The following GPRC5C variants were observed in gnomAD, a reference collection of about 807,000 sequenced individuals.
GPRC5C encodes G protein-coupled receptor class C group 5 member C, also known as G protein-coupled receptor family C group 5 member C.
In GPRC5C, 22 loss-of-function variants were observed where a neutral mutation model predicts 31.4. The observed-to-expected ratio is 0.70, with a 90% CI of 0.50 to 1.00. GPRC5C has a LOEUF of 1.00. GPRC5C is among the 50% of genes least tolerant of loss of function. The pLI, the probability that GPRC5C is intolerant of heterozygous loss-of-function variation, is 0.00. For missense variants in GPRC5C, 557 were observed against 597.2 expected, an observed-to-expected ratio of 0.93 and a Z score of 0.70; for synonymous variants, 249 against 257.5, an observed-to-expected ratio of 0.97 and a Z score of 0.32.
At chr17:74,449,294 G>GT, downstream of GPRC5C, 1 of 1,209,766 alleles carries the variant, frequency 8.3e-7, no homozygotes, top group Non-Finnish European at 1.1e-6. Context: ...GCCCCACGCA[G>GT]TAGAGTCCCC....
intron 1 of GPRC5C, among the ~76,000 whole-genome samples, chr17:74,435,345 C>T (rs982939236): frequency 1.3e-5 from 2 of 152,248 alleles, no homozygotes; most frequent in Admixed American, 6.5e-5. Context: ...ATGAGAGCCA[C>T]GCCCAGAAAG....
intron 1 of GPRC5C, chr17:74,433,868 G>A: frequency 1.2e-6 from 1 of 850,866 alleles, no homozygotes; most frequent in Non-Finnish European, 2.1e-6. Context: ...GGATGATGCT[G>A]GAGCGAGGAA....
Position 74,446,991 on chromosome 17 carries a change from ACT to A in GPRC5C, c.1293_1294del (p.Gln432GlyfsTer3), listed in dbSNP as rs1336119885. On this transcript the variant is annotated frameshift_variant, in exon 4 of 4. Transcript: ENST00000392627. LOFTEE classifies it high-confidence loss of function. ...GCCACACCGCCGAAAGACGGCAAGA[ACT>A]CTCAGGTCTTTAGAAACCCCTACGT... The A allele has an allele frequency of 6.2e-7, 1 of 1,614,098 alleles. No homozygotes were observed. The highest frequency in any genetic ancestry group is 1.1e-5 in the South Asian group (1 of 91,084).
chr17:74,446,646 T>C, intron 3 of GPRC5C: 2 of 564,680 alleles, frequency 3.5e-6, no homozygotes, highest in Non-Finnish European at 6.3e-6. Flanking sequence ...CTCGTTCCCA[T>C]GCCCAGAGGC....
downstream of GPRC5C, among the ~76,000 whole-genome samples, chr17:74,447,731 C>A (rs1199065337): frequency 6.6e-6 from 1 of 151,196 alleles, no homozygotes; most frequent in Non-Finnish European, 1.5e-5. Context: ...GGGAACCCCC[C>A]TCCAGTGGCT....
At chr17:74,446,821 CTG>C in intron 3 of GPRC5C, 26 bp from the exon 4 acceptor site, 2 of 1,568,404 alleles carry the variant, frequency 1.3e-6, no homozygotes, top group Non-Finnish European at 1.8e-6. Context: ...CAATCCCCGA[CTG>C]TGAGACCGCC....
chr17:74,435,493 C>T (rs1256281516), intron 1 of GPRC5C, among the ~76,000 whole-genome samples: 2 of 152,212 alleles, frequency 1.3e-5, no homozygotes, highest in Non-Finnish European at 2.9e-5. Context: ...CAGCAACTTA[C>T]TAAAAGCAGC....
At chr17:74,451,229 G>C (rs551707034), downstream of GPRC5C, 1 of 152,202 alleles carries the variant, frequency 6.6e-6, no homozygotes, top group East Asian at 1.9e-4. Context: ...AATTTCAAAG[G>C]AGTCCCCGGC....
At chr17:74,446,536 C>A in intron 3 of GPRC5C, 1 of 290,420 alleles carries the variant, frequency 3.4e-6, no homozygotes, top group South Asian at 8.8e-5. Context: ...GCTGACTCTC[C>A]ACTGGCCCTA....
chr17:74,447,034 C>CGGT lies in GPRC5C; in HGVS notation c.*9_*11dup. Reference sequence around the variant, plus strand: ...ACCCCTACGTGTGGGACTGAGTCAGCGGTGGCGAGGAGAGGCGGGCGGATT... The same window carrying CGGT: ...ACCCCTACGTGTGGGACTGAGTCAGCGGTGGTGGCGAGGAGAGGCGGGCGGATT... On this transcript the variant is annotated 3_prime_UTR_variant, in exon 4 of 4. Transcript: ENST00000392627. 20 of 1,604,670 alleles carry CGGT rather than the reference C, an allele frequency of 1.2e-5. No individual in the cohort carries two copies. Among genetic ancestry groups the CGGT allele is most frequent in the Non-Finnish European group, 1.6e-5 (19 of 1,172,406 alleles).
At chr17:74,435,007 C>T (rs931178432) in intron 1 of GPRC5C, among the ~76,000 whole-genome samples, 14 of 152,088 alleles carry the variant, frequency 9.2e-5, no homozygotes, top group Middle Eastern at 3.4e-3. Context: ...ATCACGAGGT[C>T]AGGAGATTGA....
intron 2 of GPRC5C, chr17:74,443,364 T>C: frequency 3.0e-6 from 1 of 329,386 alleles, no homozygotes; most frequent in South Asian, 2.5e-5. Context: ...ATGAACAGGC[T>C]TAGGCCGAGG....
intron 3 of GPRC5C, chr17:74,446,229 G>A (rs2055632735): frequency 6.6e-6 from 1 of 151,922 alleles, no homozygotes. Context: ...GAGGCGGGTG[G>A]ATCACGAGGT....
In GPRC5C at chr17:74,440,420, A is replaced by T; in HGVS notation, c.644A>T (p.Tyr215Phe). The T allele has an allele frequency of 6.2e-7, 1 of 1,613,798 alleles. No homozygotes were observed. Among genetic ancestry groups the T allele is most frequent in the East Asian group, 2.2e-5 (1 of 44,852 alleles). The change falls in exon 2 of 4, where the codon TAC becomes TTC. Residue 215 changes from tyrosine (Y) to phenylalanine (F), a missense_variant. Coordinates refer to ENST00000392627, the MANE Select transcript of GPRC5C (RefSeq NM_022036.4). The surrounding 1 kb of genome is among the most constrained non-coding windows in gnomAD (Gnocchi z 4.4). ...ANMDFVMALI[Y>F]VMLLLLGAFL... ...ATGGACTTTGTCATGGCACTCATCT[A>T]CGTCATGCTGCTGCTGCTGGGTGCC...
downstream of GPRC5C, chr17:74,448,848 A>T (rs965571749): frequency 4.3e-5 from 55 of 1,289,320 alleles, no homozygotes; most frequent in Non-Finnish European, 5.5e-5. Flanking sequence ...CAGAGAGGCC[A>T]GGCCAACACC....
chr17:74,445,894 C>T (rs2055619269), intron 3 of GPRC5C: 1 of 150,594 alleles, frequency 6.6e-6, no homozygotes, highest in Non-Finnish European at 1.5e-5. Flanking sequence ...TGCAGTGGCT[C>T]ATGCCTTTAA....
chr17:74,444,351 AG>A (rs1450697062), intron 3 of GPRC5C, among the ~76,000 whole-genome samples: 1 of 152,164 alleles, frequency 6.6e-6, no homozygotes, highest in Non-Finnish European at 1.5e-5. Context: ...AGCTGTGCCA[AG>A]GGGGCCCACA....
chr17:74,432,415 C>T (rs1001933512), intron 1 of GPRC5C: 104 of 1,168,978 alleles, frequency 8.9e-5, no homozygotes, highest in Non-Finnish European at 1.1e-4. Flanking sequence ...CAGGACCGGG[C>T]CTGGCCCAGC....
intron 1 of GPRC5C, among the ~76,000 whole-genome samples, chr17:74,434,689 G>A (rs760104374): frequency 3.9e-5 from 6 of 152,218 alleles, no homozygotes; most frequent in Non-Finnish European, 8.8e-5. Flanking sequence ...TTGAGAGGCT[G>A]AGGTAGGTGG....
Sources: allele counts gnomAD v4.1 joint callset (sites outside exome capture counted in the v4.1 genomes callset), GRCh38; gene constraint gnomAD v4.1.1; non-coding constraint Gnocchi (gnomAD v3.1); transcripts MANE v1.5; gene names NCBI Gene and HGNC (gene_info 2026-07-23, HGNC 2026-07-21).